Variants in AGBL4 observed in about 807,000 individuals in gnomAD.
AGBL4 encodes AGBL carboxypeptidase 4.
AGBL4 carries 58 observed loss-of-function variants against 66.4 expected under a neutral mutation model. The observed-to-expected ratio is 0.87, with a 90% confidence interval of 0.71 to 1.09. The LOEUF (loss-of-function observed/expected upper bound fraction) is 1.09, where lower values mean the gene tolerates loss of function less well. Among genes scored for constraint, AGBL4 ranks in the 50% least tolerant of loss-of-function variants. AGBL4 has a pLI of 0.00. For missense variants in AGBL4, 579 were observed against 631.0 expected (o/e 0.92, Z 0.88); for synonymous variants, 234 against 222.9 (o/e 1.05, Z -0.44).
At chr1:49,503,536 C>T (rs1648388274) in intron 3 of AGBL4, among the ~76,000 whole-genome samples, 1 of 152,106 alleles carries the variant, frequency 6.6e-6, no homozygotes, top group Admixed American at 6.5e-5. Flanking sequence ...AGGTACTCAA[C>T]ACCAGTCTGT....
At chr1:49,216,823 C>G (rs955474844) in intron 4 of AGBL4, among the ~76,000 whole-genome samples, 8 of 152,244 alleles carry the variant, frequency 5.3e-5, no homozygotes, top group Middle Eastern at 3.4e-3. Context: ...TTTGAATCCA[C>G]ATCTTTGTGA....
intron 6 of AGBL4, chr1:48,818,263 C>T: frequency 1.4e-6 from 1 of 717,368 alleles, no homozygotes; most frequent in Non-Finnish European, 2.6e-6. Flanking sequence ...AATTTGCAAT[C>T]AATATTATCT....
chr1:49,756,205 C>A (rs1459565189), intron 2 of AGBL4, among the ~76,000 whole-genome samples: 1 of 151,746 alleles, frequency 6.6e-6, no homozygotes, highest in Non-Finnish European at 1.5e-5. Flanking sequence ...TTTACATGTC[C>A]CCTCCAAATA....
At chr1:48,720,181 T>C (rs988508348) in intron 6 of AGBL4, among the ~76,000 whole-genome samples, 4 of 152,184 alleles carry the variant, frequency 2.6e-5, no homozygotes, top group African/African-American at 9.7e-5. Context: ...GGGTGGTCCC[T>C]ACCTTAAAGG....
intron 6 of AGBL4, among the ~76,000 whole-genome samples, chr1:48,757,447 T>C (rs1643996544): frequency 6.6e-6 from 1 of 152,260 alleles, no homozygotes; most frequent in Admixed American, 6.5e-5. Flanking sequence ...CTGTAGACTA[T>C]GATTTGGGAC....
At chr1:49,849,973 C>G (rs1279719862) in intron 2 of AGBL4, among the ~76,000 whole-genome samples, 1 of 152,110 alleles carries the variant, frequency 6.6e-6, no homozygotes, top group Non-Finnish European at 1.5e-5. Flanking sequence ...CAAGTACATA[C>G]AAGACAAGGC....
intron 3 of AGBL4, among the ~76,000 whole-genome samples, chr1:49,647,753 GGAAT>G (rs1023908499): frequency 1.3e-5 from 2 of 151,806 alleles, no homozygotes; most frequent in African/African-American, 4.8e-5. Context: ...TGAGAGAAGG[GGAAT>G]ACCCACCTCC....
intron 3 of AGBL4, among the ~76,000 whole-genome samples, chr1:49,568,523 A>ACACACACACACACAC (rs56393842): frequency 4.6e-5 from 7 of 151,444 alleles, no homozygotes; most frequent in Admixed American, 1.3e-4. Context: ...ACACACACAC[A>ACACACACACACACAC]AATGCCATGC....
At chr1:49,800,368 C>CT (rs71572687) in intron 2 of AGBL4, among the ~76,000 whole-genome samples, 99,786 of 147,198 alleles carry the variant, frequency 0.68, 34,649 homozygotes, top group African/African-American at 0.78. Context: ...TTCTCATTTT[C>CT]TTTTTTTTTA....
intron 1 of AGBL4, among the ~76,000 whole-genome samples, chr1:49,871,568 G>C (rs1487337306): frequency 1.3e-5 from 2 of 151,934 alleles, no homozygotes; most frequent in African/African-American, 4.8e-5. Flanking sequence ...TTAAGTTTTT[G>C]ACATTAAGTC....
At chr1:49,807,735 T>C (rs1645007098) in intron 2 of AGBL4, among the ~76,000 whole-genome samples, 1 of 152,226 alleles carries the variant, frequency 6.6e-6, no homozygotes, top group Non-Finnish European at 1.5e-5. Context: ...TAAATATATG[T>C]GTTCCTCCAA....
chr1:49,221,082 A>G (rs1649460031), intron 4 of AGBL4, among the ~76,000 whole-genome samples: 1 of 152,178 alleles, frequency 6.6e-6, no homozygotes, highest in African/African-American at 2.4e-5. Context: ...AGCTAAAGAA[A>G]ACTTAGGGAA....
intron 5 of AGBL4, among the ~76,000 whole-genome samples, chr1:48,900,761 A>C (rs965405701): frequency 6.6e-6 from 1 of 152,216 alleles, no homozygotes; most frequent in African/African-American, 2.4e-5. Context: ...CCTAAATGTA[A>C]AACCTGAAAC....
chr1:49,491,322 C>T (rs1647180583), intron 3 of AGBL4, among the ~76,000 whole-genome samples: 1 of 151,740 alleles, frequency 6.6e-6, no homozygotes, highest in Non-Finnish European at 1.5e-5. Context: ...GTGAATAGGT[C>T]ACCCTTCTAG....
intron 5 of AGBL4, among the ~76,000 whole-genome samples, chr1:48,960,705 A>G (rs1249214590): frequency 6.6e-6 from 1 of 152,220 alleles, no homozygotes; most frequent in Non-Finnish European, 1.5e-5. Context: ...TTACTTCATC[A>G]TGGAAAGTAT....
At chr1:49,196,285 G>C (rs528164627) in intron 4 of AGBL4, among the ~76,000 whole-genome samples, 1 of 152,182 alleles carries the variant, frequency 6.6e-6, no homozygotes, top group East Asian at 1.9e-4. Context: ...TTCAAGTTGA[G>C]AGTCTTTCTT....
intron 5 of AGBL4, among the ~76,000 whole-genome samples, chr1:48,886,719 A>AT (rs1380866337): frequency 2.4e-4 from 36 of 151,830 alleles, no homozygotes; most frequent in Non-Finnish European, 4.0e-4. Flanking sequence ...CGCCTGGCTA[A>AT]TGTTTTGTAT....
rs184713450 is a variant in AGBL4, at chr1:50,013,250, T to C, written c.34+10513A>G. ...CTTAGGGCTTTATTAAATCAGGTTA[T>C]AGGAATTAATAAAAAGAGTAAATAA... On this transcript the variant is annotated intron_variant, in intron 1 of 13. Coordinates refer to ENST00000371839, the MANE Select transcript of AGBL4 (RefSeq NM_032785.4). 2.1e-4 allele frequency among the ~76,000 whole-genome samples: 32 copies of C among 152,266 alleles called. No individual in the cohort carries two copies. In the East Asian group the frequency reaches 5.0e-3, roughly 24 times the overall value.
At chr1:48,761,515 G>C in intron 6 of AGBL4, 3 of 1,524,272 alleles carry the variant, frequency 2.0e-6, no homozygotes, top group Non-Finnish European at 2.6e-6. Context: ...GAGTTAAAAT[G>C]AGTCATTATG....
Sources: gnomAD v4.1 joint callset for allele counts (sites outside exome capture counted in the v4.1 genomes callset) on GRCh38, gnomAD v4.1.1 for gene constraint, MANE v1.5 for transcripts, NCBI Gene and HGNC (gene_info 2026-07-23, HGNC 2026-07-21) for gene names.